The following TMEM132D variants were observed in gnomAD, a reference collection of about 807,000 sequenced individuals.
TMEM132D encodes mature OL transmembrane protein.
In TMEM132D, 21 loss-of-function variants were observed where a neutral mutation model predicts 62.3. The ratio of observed to expected loss-of-function variants is 0.34; its 90% CI spans 0.24 to 0.49. The LOEUF is 0.49. Among genes scored for constraint, TMEM132D ranks in the 20% least tolerant of loss-of-function variants. The pLI, the probability that TMEM132D is intolerant of heterozygous loss-of-function variation, is 0.99. For missense variants in TMEM132D, 1,346 were observed against 1,402.8 expected, an observed-to-expected ratio of 0.96 and a Z score of 0.65; for synonymous variants, 621 against 575.6, an observed-to-expected ratio of 1.08 and a Z score of -1.13.
intron 1 of TMEM132D, among the ~76,000 whole-genome samples, chr12:129,861,277 C>A (rs1268686457): frequency 6.6e-6 from 1 of 152,202 alleles, no homozygotes; most frequent in Non-Finnish European, 1.5e-5. Context: ...CCCCACCTTA[C>A]CTTTAACCTC....
intron 2 of TMEM132D, among the ~76,000 whole-genome samples, chr12:129,625,664 C>T (rs150524788): frequency 3.9e-5 from 6 of 152,296 alleles, no homozygotes; most frequent in African/African-American, 9.6e-5. Flanking sequence ...AGATCTGTAA[C>T]GCTTTAGGAA....
intron 2 of TMEM132D, among the ~76,000 whole-genome samples, chr12:129,605,109 G>C (rs1434358929): frequency 2.0e-5 from 3 of 151,970 alleles, no homozygotes; most frequent in Non-Finnish European, 4.4e-5. Flanking sequence ...CTTCGATTTG[G>C]CTCATTTTTA....
intron 2 of TMEM132D, among the ~76,000 whole-genome samples, chr12:129,579,251 T>A (rs773616788): frequency 2.6e-4 from 39 of 152,228 alleles, no homozygotes; most frequent in Non-Finnish European, 8.8e-5. Flanking sequence ...GAAATCTCAA[T>A]GAAACCTACC....
At chr12:129,645,056 A>G (rs963848332) in intron 2 of TMEM132D, among the ~76,000 whole-genome samples, 4 of 151,764 alleles carry the variant, frequency 2.6e-5, no homozygotes, top group Non-Finnish European at 4.4e-5. Flanking sequence ...GCCAGCAAAG[A>G]TAAGTAGCCT....
rs75201464 is a variant in TMEM132D, at chr12:129,384,461, A to G, written c.1116-46644T>C. ...AGACAAAAATTAAAAAAAGTCTCAGAACTCAAGGTACTCCATGGTTCCTGG... is the reference window on the plus strand; with the variant it reads ...AGACAAAAATTAAAAAAAGTCTCAGGACTCAAGGTACTCCATGGTTCCTGG... On this transcript the variant is annotated intron_variant, in intron 3 of 8. Transcript: ENST00000422113. Among the ~76,000 whole-genome samples the G allele has an allele frequency of 9.5e-3, 1,448 of 152,320 alleles. 10 individuals are homozygous for G. Among genetic ancestry groups the G allele is most frequent in the Middle Eastern group, 0.027 (8 of 294 alleles).
chr12:129,368,780 C>A (rs1371498545), intron 3 of TMEM132D, among the ~76,000 whole-genome samples: 1 of 150,398 alleles, frequency 6.6e-6, no homozygotes, highest in African/African-American at 2.4e-5. Context: ...AAAAAAAAAA[C>A]CCAAAAGGCT....
intron 3 of TMEM132D, among the ~76,000 whole-genome samples, chr12:129,479,434 T>A (rs540771465): frequency 5.3e-5 from 8 of 152,286 alleles, no homozygotes; most frequent in Admixed American, 4.6e-4. Flanking sequence ...GAATCCTGGC[T>A]GCACACGGCT....
At chr12:129,790,645 G>A (rs550448971) in intron 1 of TMEM132D, among the ~76,000 whole-genome samples, 20 of 152,222 alleles carry the variant, frequency 1.3e-4, no homozygotes, top group African/African-American at 4.3e-4. Context: ...GCAGGCCATG[G>A]GTAGTTTTGG....
chr12:129,602,743 G>C (rs1394911650), intron 2 of TMEM132D, among the ~76,000 whole-genome samples: 1 of 152,144 alleles, frequency 6.6e-6, no homozygotes, highest in Non-Finnish European at 1.5e-5. Context: ...TCCCCCACCA[G>C]AGGGTTAATG....
chr12:129,080,721 A>G (rs1874420303), intron 7 of TMEM132D, among the ~76,000 whole-genome samples: 3 of 152,164 alleles, frequency 2.0e-5, no homozygotes, highest in Non-Finnish European at 4.4e-5. Context: ...CTACACTAAC[A>G]AGGCAGACAC....
chr12:129,810,767 A>G (rs1872149039), intron 1 of TMEM132D, among the ~76,000 whole-genome samples: 1 of 152,236 alleles, frequency 6.6e-6, no homozygotes, highest in South Asian at 2.1e-4. Flanking sequence ...CAACGCGTTA[A>G]TAGGTTGAAG....
chr12:129,155,851 A>G (rs1165902065), intron 5 of TMEM132D, among the ~76,000 whole-genome samples: 2 of 152,028 alleles, frequency 1.3e-5, no homozygotes, highest in South Asian at 2.1e-4. Context: ...TGTGATACCC[A>G]ACACACTCCC....
At chr12:129,148,544 T>A (rs1198402247) in intron 5 of TMEM132D, among the ~76,000 whole-genome samples, 2 of 152,074 alleles carry the variant, frequency 1.3e-5, no homozygotes, top group Non-Finnish European at 2.9e-5. Flanking sequence ...GACAGAGCTC[T>A]CCCTAAGCTC....
intron 1 of TMEM132D, among the ~76,000 whole-genome samples, chr12:129,887,341 G>C (rs151291938): frequency 1.3e-5 from 2 of 152,266 alleles, no homozygotes; most frequent in East Asian, 1.9e-4. Context: ...CCACTTCTAT[G>C]AAAGTCCTCT....
intron 1 of TMEM132D, among the ~76,000 whole-genome samples, chr12:129,844,947 C>T (rs777859590): frequency 1.3e-5 from 2 of 152,114 alleles, no homozygotes; most frequent in Non-Finnish European, 1.5e-5. Context: ...GATGATTATG[C>T]TCTATAATCA....
intron 3 of TMEM132D, among the ~76,000 whole-genome samples, chr12:129,485,494 G>A (rs1874554921): frequency 6.6e-6 from 1 of 152,218 alleles, no homozygotes. Flanking sequence ...GCCATTGCAA[G>A]ACCCTAAAAT....
intron 1 of TMEM132D, among the ~76,000 whole-genome samples, chr12:129,849,579 C>T (rs1389778803): frequency 6.6e-6 from 1 of 152,148 alleles, no homozygotes; most frequent in African/African-American, 2.4e-5. Flanking sequence ...ATTGACACTC[C>T]CACCAAAGAA....
chr12:129,737,223 T>C (rs563237705), intron 1 of TMEM132D, among the ~76,000 whole-genome samples: 1 of 152,304 alleles, frequency 6.6e-6, no homozygotes, highest in African/African-American at 2.4e-5. Flanking sequence ...TCCTGACCTC[T>C]ACTCACAAAT....
At position 129,337,684 on chromosome 12, in the gene TMEM132D, T is replaced by C. The variant is rs1270976908; in HGVS notation, c.1249A>G (p.Lys417Glu). The change falls in exon 4 of 9, where the codon AAG (lysine) becomes GAG (glutamate). Residue 417 changes from lysine (K) to glutamate (E), a missense_variant. Lys to Glu is a moderately conservative substitution (Grantham distance 56, BLOSUM62 1). Coordinates refer to ENST00000422113, the MANE Select transcript of TMEM132D (RefSeq NM_133448.3). ...AAGTCCTTTGGGCTCACATAGATCT[T>C]GGACACTCCCAAGTCAGACGTGATC... ...GEITSDLGVS[K>E]IYVSPKDLIG... The C allele has an allele frequency of 1.9e-6, 3 of 1,614,180 alleles. No homozygotes were observed. Among genetic ancestry groups the C allele is most frequent in the Admixed American group, 3.3e-5 (2 of 60,022 alleles).
Sources: gnomAD v4.1 joint callset for allele counts (sites outside exome capture counted in the v4.1 genomes callset) on GRCh38, gnomAD v4.1.1 for gene constraint, MANE v1.5 for transcripts, NCBI Gene and HGNC (gene_info 2026-07-23, HGNC 2026-07-21) for gene names.